NHS: variants seen among roughly 807,000 people sequenced by gnomAD.
NHS encodes actin remodeling regulator NHS.
In NHS, 5 loss-of-function variants were observed where a neutral mutation model predicts 72.5. The ratio of observed to expected loss-of-function variants is 0.07; its 90% CI spans 0.04 to 0.14. The LOEUF is 0.14. Among genes scored for constraint, NHS ranks in the 10% least tolerant of loss-of-function variants. The probability of loss-of-function intolerance (pLI) is 1.00; values close to 1 mark genes in which losing one functional copy is unlikely to be tolerated. For synonymous variants in NHS, 464 were observed against 547.7 expected (o/e 0.85, Z 2.13); for missense variants, 1,072 against 1,355.7 (o/e 0.79, Z 3.29).
chrX:17,587,752 G>T (rs952748347), intron 1 of NHS, among the ~76,000 whole-genome samples: 2 of 111,860 alleles, frequency 1.8e-5, no homozygotes, highest in Non-Finnish European at 3.8e-5. Context: ...TGAAAATCAA[G>T]AATTATTTGG....
chrX:17,692,180 C>A (rs555511850), intron 2 of NHS, among the ~76,000 whole-genome samples, 155 bp from the exon 3 acceptor site: 1 of 111,236 alleles, frequency 9.0e-6, no homozygotes, highest in Non-Finnish European at 1.9e-5. Context: ...CAATTAAAAA[C>A]CATTCTGAAA....
intron 1 of NHS, among the ~76,000 whole-genome samples, chrX:17,417,564 C>T (rs2064602734): frequency 8.9e-6 from 1 of 111,796 alleles, no homozygotes; most frequent in African/African-American, 3.2e-5. Context: ...AAAACTCTTC[C>T]ACCTGCAAAA....
intron 1 of NHS, among the ~76,000 whole-genome samples, chrX:17,536,728 C>G (rs1165052302): frequency 8.9e-6 from 1 of 112,536 alleles, no homozygotes. Flanking sequence ...ATAGGTCTCA[C>G]TTATGCCACA....
chrX:17,399,987 CT>C (rs1422259923), intron 1 of NHS, among the ~76,000 whole-genome samples: 1 of 111,977 alleles, frequency 8.9e-6, no homozygotes, highest in Non-Finnish European at 1.9e-5. Context: ...AGATTGAATG[CT>C]TTCCCCCTAA....
chrX:17,650,372 A>G (rs1437457284), intron 1 of NHS, among the ~76,000 whole-genome samples: 1 of 112,903 alleles, frequency 8.9e-6, no homozygotes, highest in Admixed American at 9.3e-5. Flanking sequence ...ACACAATGAA[A>G]GACGTAGAGA....
intron 1 of NHS, among the ~76,000 whole-genome samples, chrX:17,503,208 G>A (rs1244612221): frequency 8.9e-6 from 1 of 112,338 alleles, no homozygotes; most frequent in Admixed American, 9.4e-5. Context: ...GCAATGATGG[G>A]CCTATTAACC....
chrX:17,462,259 T>A (rs1282684798), intron 1 of NHS, among the ~76,000 whole-genome samples: 2 of 111,660 alleles, frequency 1.8e-5, no homozygotes, highest in Non-Finnish European at 3.8e-5. Context: ...ACAACAGCTC[T>A]GAGAGCTAGG....
At position 17,401,001 on chromosome X, in the gene NHS, A is replaced by C. The variant is rs1481263125; in HGVS notation, c.565+24679A>C. On this transcript the variant is annotated intron_variant, in intron 1 of 8. Transcript: ENST00000676302. ...CAGTTTTGAAACTTATTACAAAACTACAGTAATCAAGACAGTGTGGAGCTG... is the reference window on the plus strand; with the variant it reads ...CAGTTTTGAAACTTATTACAAAACTCCAGTAATCAAGACAGTGTGGAGCTG... Among the ~76,000 whole-genome samples, 5 of 112,520 alleles carry C rather than the reference A, an allele frequency of 4.4e-5. No individual in the cohort carries two copies. The East Asian group carries it at 1.4e-3, about 31-fold the overall frequency.
chrX:17,478,196 T>A (rs1170371428), intron 1 of NHS, among the ~76,000 whole-genome samples: 1 of 111,629 alleles, frequency 9.0e-6, no homozygotes, highest in African/African-American at 3.3e-5. Context: ...CAGTTCTCCT[T>A]GAGAACAAAC....
intron 1 of NHS, among the ~76,000 whole-genome samples, chrX:17,616,199 A>T (rs970138500): frequency 3.6e-5 from 4 of 112,489 alleles, no homozygotes; most frequent in Non-Finnish European, 7.5e-5. Context: ...GGGCAAGTCA[A>T]GTTGAGACAC....
intron 1 of NHS, among the ~76,000 whole-genome samples, chrX:17,604,810 A>G (rs2065670895): frequency 8.9e-6 from 1 of 112,446 alleles, no homozygotes; most frequent in Non-Finnish European, 1.9e-5. Flanking sequence ...CCAGGGTCAT[A>G]TGAGAATGTA....
At chrX:17,493,473 A>G (rs2064999855) in intron 1 of NHS, among the ~76,000 whole-genome samples, 1 of 111,698 alleles carries the variant, frequency 9.0e-6, no homozygotes, top group Admixed American at 9.6e-5. Flanking sequence ...CTGCAGTGTA[A>G]ATTTCATGAA....
chrX:17,521,121 C>CTT (rs922321350), intron 1 of NHS, among the ~76,000 whole-genome samples: 3 of 111,851 alleles, frequency 2.7e-5, no homozygotes, highest in Admixed American at 9.4e-5. Context: ...TTGGCCCTCT[C>CTT]TAAGGAGCAC....
At chrX:17,438,142 C>CTTA (rs1292819926) in intron 1 of NHS, among the ~76,000 whole-genome samples, 1 of 112,086 alleles carries the variant, frequency 8.9e-6, no homozygotes, top group Non-Finnish European at 1.9e-5. Context: ...ATCTAGGGAT[C>CTTA]TTATTTAAAA....
At chrX:17,720,083 G>T (rs753683444) in intron 4 of NHS, among the ~76,000 whole-genome samples, 1 of 111,530 alleles carries the variant, frequency 9.0e-6, no homozygotes, top group African/African-American at 3.3e-5. Context: ...TATTCGCTTC[G>T]CTGGGAATCT....
chrX:17,696,457 T>C (rs918224985), intron 3 of NHS, among the ~76,000 whole-genome samples: 1 of 112,273 alleles, frequency 8.9e-6, no homozygotes, highest in Non-Finnish European at 1.9e-5. Context: ...AAATTGAGAA[T>C]GGCAAATGTG....
At chrX:17,723,768 T>TGCGC (rs1351467496) in intron 5 of NHS, among the ~76,000 whole-genome samples, 86 of 93,975 alleles carry the variant, frequency 9.2e-4, no homozygotes, top group Middle Eastern at 5.5e-3. Context: ...TGTGTGTGTG[T>TGCGC]GTGCGCGCGC....
chrX:17,585,234 G>A (rs1257946477), intron 1 of NHS, among the ~76,000 whole-genome samples: 2 of 112,241 alleles, frequency 1.8e-5, no homozygotes, highest in Non-Finnish European at 3.8e-5. Flanking sequence ...TAACTTCTCT[G>A]TGCCTGTTTC....
chrX:17,408,570 A>C (rs1034044872), intron 1 of NHS, among the ~76,000 whole-genome samples: 6 of 111,569 alleles, frequency 5.4e-5, no homozygotes, highest in African/African-American at 2.0e-4. Context: ...CCCACAAAAC[A>C]ACATCCGTCT....
Sources: allele counts gnomAD v4.1 joint callset (sites outside exome capture counted in the v4.1 genomes callset), GRCh38; gene constraint gnomAD v4.1.1; transcripts MANE v1.5; gene names NCBI Gene and HGNC (gene_info 2026-07-23, HGNC 2026-07-21).